KCNT2: variants seen among roughly 807,000 people sequenced by gnomAD.
KCNT2 encodes potassium channel subfamily T member 2.
KCNT2 carries 67 observed loss-of-function variants against 153.8 expected under a neutral mutation model. The observed-to-expected ratio is 0.44, with a 90% CI of 0.36 to 0.53. The LOEUF is 0.53. Among genes scored for constraint, KCNT2 ranks in the 20% least tolerant of loss-of-function variants. The probability of loss-of-function intolerance (pLI) is 0.00; values close to 1 mark genes in which losing one functional copy is unlikely to be tolerated. For missense variants in KCNT2, 975 were observed against 1,354.8 expected (o/e 0.72, Z 4.40); for synonymous variants, 500 against 458.8 (o/e 1.09, Z -1.15).
chr1:196,296,272 T>A (rs1660667176), intron 22 of KCNT2, among the ~76,000 whole-genome samples: 1 of 151,858 alleles, frequency 6.6e-6, no homozygotes, highest in Non-Finnish European at 1.5e-5. Flanking sequence ...ATATGATAGT[T>A]ATAGAAATTA....
rs1196676441 is a variant in KCNT2 at position 196,250,348 on chromosome 1, T to A, written c.3211+7846A>T. ...ACAAAACCAGATATCAACAGTGAATTCATTTTCCACAAAGGTGCCAAGAAC... is the reference window on the plus strand; with the variant it reads ...ACAAAACCAGATATCAACAGTGAATACATTTTCCACAAAGGTGCCAAGAAC... On this transcript the variant is annotated intron_variant, in intron 26 of 27. Coordinates refer to ENST00000294725, the MANE Select transcript of KCNT2 (RefSeq NM_198503.5). 3.9e-5 allele frequency among the ~76,000 whole-genome samples: 6 copies of A among 152,142 alleles called. No homozygotes were observed. In the East Asian group the frequency reaches 1.2e-3, roughly 29 times the overall value.
intron 11 of KCNT2, among the ~76,000 whole-genome samples, chr1:196,423,478 A>G (rs1337787810): frequency 6.6e-6 from 1 of 151,828 alleles, no homozygotes; most frequent in African/African-American, 2.4e-5. Flanking sequence ...TCTGAATCAA[A>G]CTAAGAGGGG....
chr1:196,435,281 A>G (rs560147969), intron 8 of KCNT2, among the ~76,000 whole-genome samples: 9 of 148,738 alleles, frequency 6.1e-5, no homozygotes, highest in Non-Finnish European at 3.0e-5. Context: ...TTAACATAAT[A>G]TCATTTGAAA....
intron 25 of KCNT2, among the ~76,000 whole-genome samples, chr1:196,260,197 A>G (rs1656878811): frequency 6.6e-6 from 1 of 151,840 alleles, no homozygotes; most frequent in Non-Finnish European, 1.5e-5. Flanking sequence ...ATTTCCTACA[A>G]ATATGTGGAA....
chr1:196,342,424 A>ATATATATATATATATATATATG (rs1553292524), intron 14 of KCNT2, among the ~76,000 whole-genome samples, 196 bp from the exon 15 acceptor site: 42 of 27,742 alleles, frequency 1.5e-3, no homozygotes, highest in East Asian at 3.6e-3. Flanking sequence ...TGAATACTAT[A>ATATATATATATATATATATATG]TATATATATA....
At chr1:196,416,000 A>G (rs114976970) in intron 12 of KCNT2, among the ~76,000 whole-genome samples, 8,753 of 152,054 alleles carry the variant, frequency 0.058, 391 homozygotes, top group Non-Finnish European at 0.085. Flanking sequence ...AAAATTCTAG[A>G]AAAAAACAAT....
At chr1:196,447,754 A>G (rs1271252477) in intron 8 of KCNT2, among the ~76,000 whole-genome samples, 6 of 151,256 alleles carry the variant, frequency 4.0e-5, no homozygotes, top group Admixed American at 1.3e-4. Context: ...GACAGAGAAG[A>G]TAGACGAAAA....
chr1:196,594,554 G>A (rs1663816935), intron 1 of KCNT2, among the ~76,000 whole-genome samples: 1 of 151,984 alleles, frequency 6.6e-6, no homozygotes, highest in Admixed American at 6.6e-5. Flanking sequence ...TAATGTAGGA[G>A]GATCCAAAAC....
In KCNT2 at chr1:196,316,023, T is replaced by C. The variant is rs954761085; in HGVS notation, c.2352A>G (p.Leu784=). Residue 784 remains leucine (L), a synonymous_variant, in exon 21 of 28, where the codon CTA becomes CTG. Coordinates refer to ENST00000294725, the MANE Select transcript of KCNT2 (RefSeq NM_198503.5). ...VYYMVGSIDN[L]DDLLRCGVTF... ...TCACTCCACACCTGAGTAAGTCATC[T>C]AGGCTTTGATAAAAATCAACAGAGA... The C allele has an allele frequency of 2.5e-6, 4 of 1,608,586 alleles. No homozygotes were observed. The African/African-American group carries it at 4.0e-5, about 16-fold the overall frequency.
intron 1 of KCNT2, among the ~76,000 whole-genome samples, chr1:196,540,618 C>T (rs754302817): frequency 3.9e-5 from 6 of 152,278 alleles, no homozygotes; most frequent in Non-Finnish European, 7.4e-5. Context: ...GTGAAAGTAG[C>T]ATAATGTGGC....
intron 1 of KCNT2, among the ~76,000 whole-genome samples, chr1:196,606,391 T>G (rs1164029730): frequency 1.3e-5 from 2 of 152,118 alleles, no homozygotes; most frequent in African/African-American, 4.8e-5. Flanking sequence ...AGTAGCCAAA[T>G]CCTTAAAAAT....
intron 13 of KCNT2, among the ~76,000 whole-genome samples, chr1:196,377,553 T>C (rs560250930): frequency 1.3e-5 from 2 of 152,044 alleles, no homozygotes; most frequent in Admixed American, 1.3e-4. Flanking sequence ...GAAGAGGTGG[T>C]TGAAAAGGGC....
At chr1:196,342,420 C>CTATATATATATATATATATATATATATG (rs1210301143) in intron 14 of KCNT2, among the ~76,000 whole-genome samples, 192 bp from the exon 15 acceptor site, 127 of 132,716 alleles carry the variant, frequency 9.6e-4, no homozygotes, top group African/African-American at 3.1e-3. Context: ...ATTTTGAATA[C>CTATATATATATATATATATATATATATG]TATATATATA....
At chr1:196,509,178 A>T (rs1182843041) in intron 1 of KCNT2, among the ~76,000 whole-genome samples, 3 of 151,318 alleles carry the variant, frequency 2.0e-5, no homozygotes, top group African/African-American at 4.9e-5. Flanking sequence ...CTGAGGCAGG[A>T]GAATCGCTTG....
intron 1 of KCNT2, among the ~76,000 whole-genome samples, chr1:196,600,668 C>A (rs1367551085): frequency 8.8e-6 from 1 of 113,576 alleles, no homozygotes; most frequent in African/African-American, 3.2e-5. Context: ...CACTGAATGA[C>A]AGATTAACAG....
intron 14 of KCNT2, among the ~76,000 whole-genome samples, chr1:196,363,697 C>A (rs1667812334): frequency 6.6e-6 from 1 of 152,140 alleles, no homozygotes; most frequent in Admixed American, 6.6e-5. Flanking sequence ...TGGGATGACA[C>A]AGCAAGAAGG....
At chr1:196,503,710 G>A (rs1460581351) in intron 1 of KCNT2, among the ~76,000 whole-genome samples, 3 of 152,140 alleles carry the variant, frequency 2.0e-5, no homozygotes, top group Non-Finnish European at 4.4e-5. Context: ...TTCAACAGAT[G>A]AGAGTTATTT....
chr1:196,321,760 TAG>T (rs1186915593), intron 19 of KCNT2, among the ~76,000 whole-genome samples: 7 of 151,898 alleles, frequency 4.6e-5, no homozygotes, highest in African/African-American at 1.7e-4. Context: ...GCATAATAGA[TAG>T]ATTCATCTAC....
intron 1 of KCNT2, among the ~76,000 whole-genome samples, chr1:196,558,314 CATT>C (rs1658942743): frequency 6.6e-6 from 1 of 151,122 alleles, no homozygotes; most frequent in Non-Finnish European, 1.5e-5. Context: ...AAATCTACAT[CATT>C]AATAAGGTCA....
Sources: gnomAD v4.1 joint callset for allele counts (sites outside exome capture counted in the v4.1 genomes callset) on GRCh38, gnomAD v4.1.1 for gene constraint, MANE v1.5 for transcripts, NCBI Gene and HGNC (gene_info 2026-07-23, HGNC 2026-07-21) for gene names.